Variants in SNTG2 observed in about 807,000 individuals in gnomAD.
SNTG2 encodes the protein syntrophin gamma 2.
In SNTG2, 74 loss-of-function variants were observed where a neutral mutation model predicts 70.9. The observed-to-expected ratio is 1.04, with a 90% confidence interval of 0.86 to 1.27. The LOEUF (loss-of-function observed/expected upper bound fraction) is 1.27, where lower values mean the gene tolerates loss of function less well. Among genes scored for constraint, SNTG2 ranks in the 50% most tolerant of loss-of-function variants. The probability of loss-of-function intolerance (pLI) is 0.00; values close to 1 mark genes in which losing one functional copy is unlikely to be tolerated. For synonymous variants in SNTG2, 278 were observed against 273.8 expected, an observed-to-expected ratio of 1.02 and a Z score of -0.15; for missense variants, 717 against 690.7, an observed-to-expected ratio of 1.04 and a Z score of -0.43.
At chr2:1,356,334 C>T (rs73179485) in intron 16 of SNTG2, among the ~76,000 whole-genome samples, 4 of 152,062 alleles carry the variant, frequency 2.6e-5, no homozygotes, top group South Asian at 2.1e-4. Context: ...ATGTTTAAGT[C>T]GTTAATCTAT....
chr2:1,165,896 G>A (rs1437060079), intron 7 of SNTG2, among the ~76,000 whole-genome samples: 10 of 152,204 alleles, frequency 6.6e-5, no homozygotes, highest in South Asian at 6.2e-4. Flanking sequence ...CTACATGCTC[G>A]TTCCTTCATG....
intron 14 of SNTG2, among the ~76,000 whole-genome samples, chr2:1,304,215 C>T (rs1431156300): frequency 1.3e-5 from 2 of 152,224 alleles, no homozygotes; most frequent in Non-Finnish European, 2.9e-5. Context: ...AGGTGACCTA[C>T]GCGTGGCAGA....
chr2:966,079 G>A lies in SNTG2; in HGVS notation c.72+15011G>A, dbSNP rs892450359. 3.9e-5 allele frequency among the ~76,000 whole-genome samples: 6 copies of A among 152,224 alleles called. No homozygotes were observed. In the East Asian group the frequency reaches 9.6e-4, roughly 24 times the overall value. Reference sequence around the variant, plus strand: ...TCCATGCATGCCCAGGGTCCCCCGCGGAACCTGCTTCACAGCGAGTCCTGC... The same window carrying A: ...TCCATGCATGCCCAGGGTCCCCCGCAGAACCTGCTTCACAGCGAGTCCTGC... On this transcript the variant is annotated intron_variant, in intron 1 of 16. Coordinates refer to ENST00000308624, the MANE Select transcript of SNTG2 (RefSeq NM_018968.4).
chr2:1,128,250 G>A (rs1005620828), intron 4 of SNTG2, among the ~76,000 whole-genome samples: 4 of 151,530 alleles, frequency 2.6e-5, no homozygotes, highest in Non-Finnish European at 4.4e-5. Context: ...ATTCATTTTC[G>A]CATACTGTGA....
chr2:1,079,723 G>A (rs1186978545), intron 1 of SNTG2, among the ~76,000 whole-genome samples: 1 of 152,124 alleles, frequency 6.6e-6, no homozygotes, highest in East Asian at 1.9e-4. Flanking sequence ...AGATCCCTGG[G>A]TTGCAGGCAA....
chr2:1,202,957 C>T (rs1019494245), intron 8 of SNTG2, among the ~76,000 whole-genome samples: 3 of 152,130 alleles, frequency 2.0e-5, no homozygotes, highest in African/African-American at 7.2e-5. Context: ...GAGAAATCCA[C>T]AATCAAAATG....
rs145885470 is a variant in SNTG2 at position 1,309,433 on chromosome 2, C to A, written c.1377+847C>A. On this transcript the variant is annotated intron_variant, in intron 15 of 16. Transcript: ENST00000308624. The stretch of plus-strand genomic sequence containing the variant: ...TCTCTACAAAAAGCAAGACAAAAAC[C>A]TTTCCTAGGCAGGGTCTCCCAAACT... Among the ~76,000 whole-genome samples, 395 of 152,372 alleles carry A rather than the reference C, an allele frequency of 2.6e-3. 2 individuals are homozygous for A. Among genetic ancestry groups the A allele is most frequent in the South Asian group, 3.9e-3 (19 of 4,830 alleles).
At chr2:1,237,069 A>T (rs1270183042) in intron 9 of SNTG2, among the ~76,000 whole-genome samples, 1 of 151,440 alleles carries the variant, frequency 6.6e-6, no homozygotes, top group African/African-American at 2.4e-5. Context: ...TAGCCTTCCG[A>T]GTAGCTGGAG....
At chr2:1,046,114 A>G (rs1035978443) in intron 1 of SNTG2, among the ~76,000 whole-genome samples, 2 of 152,086 alleles carry the variant, frequency 1.3e-5, no homozygotes, top group African/African-American at 4.8e-5. Context: ...ACCCTTCATT[A>G]TTATGTAATG....
At chr2:1,072,800 C>T (rs750728691) in intron 1 of SNTG2, among the ~76,000 whole-genome samples, 13 of 152,124 alleles carry the variant, frequency 8.5e-5, no homozygotes, top group Non-Finnish European at 1.5e-4. Context: ...CCACTAAGTA[C>T]ACTAAGTACA....
intron 16 of SNTG2, among the ~76,000 whole-genome samples, chr2:1,360,964 C>A (rs757852457): frequency 6.6e-6 from 1 of 152,206 alleles, no homozygotes; most frequent in Non-Finnish European, 1.5e-5. Flanking sequence ...AGGCTCTGAC[C>A]TTATGGAATA....
At chr2:1,123,542 T>G (rs541547651) in intron 4 of SNTG2, among the ~76,000 whole-genome samples, 1 of 152,272 alleles carries the variant, frequency 6.6e-6, no homozygotes, top group African/African-American at 2.4e-5. Flanking sequence ...TCTTACACCG[T>G]ATAGGAAACC....
chr2:1,306,345 C>T (rs1022958370), intron 14 of SNTG2, among the ~76,000 whole-genome samples: 53 of 152,170 alleles, frequency 3.5e-4, no homozygotes, highest in African/African-American at 1.3e-3. Context: ...TTGGGCCCCC[C>T]ACCATCTGCT....
intron 8 of SNTG2, among the ~76,000 whole-genome samples, chr2:1,173,491 G>A (rs991053229): frequency 6.6e-6 from 1 of 152,256 alleles, no homozygotes; most frequent in African/African-American, 2.4e-5. Flanking sequence ...AGGACTGCAG[G>A]TTATTTTTAG....
intron 8 of SNTG2, among the ~76,000 whole-genome samples, chr2:1,203,076 CATTT>C (rs1166334834): frequency 9.9e-5 from 15 of 152,230 alleles, no homozygotes; most frequent in Non-Finnish European, 1.3e-4. Flanking sequence ...ACCTCACTGA[CATTT>C]ATAGAGTCCT....
At chr2:1,236,480 C>T (rs1243012472) in intron 9 of SNTG2, among the ~76,000 whole-genome samples, 2 of 152,220 alleles carry the variant, frequency 1.3e-5, no homozygotes, top group Admixed American at 6.5e-5. Context: ...TGGCTTCTTC[C>T]CCTCTCCGGC....
intron 4 of SNTG2, among the ~76,000 whole-genome samples, chr2:1,113,037 C>A (rs1204217827): frequency 1.3e-5 from 2 of 151,628 alleles, no homozygotes. Context: ...GAGGTGTAAC[C>A]CTTACAGTCC....
At chr2:1,315,230 A>G (rs1401399085) in intron 15 of SNTG2, among the ~76,000 whole-genome samples, 2 of 152,212 alleles carry the variant, frequency 1.3e-5, no homozygotes, top group Admixed American at 1.3e-4. Flanking sequence ...GTGCTTTGAC[A>G]CTTTGGCGTA....
At position 953,699 on chromosome 2, in the gene SNTG2, A is replaced by AGGAGACAT. The variant is rs1302218875; in HGVS notation, c.72+2641_72+2648dup. Among the ~76,000 whole-genome samples the AGGAGACAT allele has an allele frequency of 2.0e-5, 3 of 152,246 alleles. No homozygotes were observed. In the East Asian group the frequency reaches 5.8e-4, roughly 29 times the overall value. Reference sequence around the variant, plus strand: ...AAGCAGGCAGTTACCTGACTTTACCAGGAGACATGGAGACATGTTCCCCAG... The same window carrying AGGAGACAT: ...AAGCAGGCAGTTACCTGACTTTACCAGGAGACATGGAGACATGGAGACATGTTCCCCAG... On this transcript the variant is annotated intron_variant, in intron 1 of 16. Coordinates refer to ENST00000308624, the MANE Select transcript of SNTG2 (RefSeq NM_018968.4).
Sources: allele counts gnomAD v4.1 joint callset (sites outside exome capture counted in the v4.1 genomes callset), GRCh38; gene constraint gnomAD v4.1.1; transcripts MANE v1.5; gene names NCBI Gene and HGNC (gene_info 2026-07-23, HGNC 2026-07-21).